The following PRKCE variants were observed in gnomAD, a reference collection of about 807,000 sequenced individuals.
PRKCE encodes protein kinase C epsilon type.
PRKCE carries 16 observed loss-of-function variants against 85.4 expected under a neutral mutation model. The observed-to-expected ratio is 0.19, with a 90% CI of 0.13 to 0.28. The LOEUF is 0.28. PRKCE is among the 10% of genes least tolerant of loss of function. PRKCE has a pLI of 1.00. For synonymous variants in PRKCE, 388 were observed against 371.5 expected (o/e 1.04, Z -0.51); for missense variants, 573 against 975.2 (o/e 0.59, Z 5.49).
chr2:45,905,569 G>C lies in PRKCE; in HGVS notation c.412+62506G>C, dbSNP rs1696907887. ...AGCCCTGTGAGCTTTCCTAAAAGCT[G>C]GGCAAAGCAGGGCTTTCACCGGGCT... On this transcript the variant is annotated intron_variant, in intron 2 of 14. Coordinates refer to ENST00000306156, the MANE Select transcript of PRKCE (RefSeq NM_005400.3). The surrounding 1 kb of genome is among the most constrained non-coding windows in gnomAD (Gnocchi z 4.4). Among the ~76,000 whole-genome samples, 1 of 152,178 alleles carries C rather than the reference G, an allele frequency of 6.6e-6. No homozygotes were observed. Among genetic ancestry groups the C allele is most frequent in the Admixed American group, 6.5e-5 (1 of 15,280 alleles).
At chr2:45,677,661 C>G (rs1676582775) in intron 1 of PRKCE, among the ~76,000 whole-genome samples, 1 of 152,196 alleles carries the variant, frequency 6.6e-6, no homozygotes, top group East Asian at 1.9e-4. Context: ...TGATCAGATT[C>G]AAATTGTATC....
intron 2 of PRKCE, among the ~76,000 whole-genome samples, chr2:45,910,141 G>A (rs1224784726): frequency 4.6e-5 from 7 of 152,004 alleles, no homozygotes; most frequent in South Asian, 2.1e-4. Context: ...TAACAATGAC[G>A]TGTAGTTCCA....
At chr2:45,996,744 T>G (rs1464313556) in intron 6 of PRKCE, among the ~76,000 whole-genome samples, 3 of 152,148 alleles carry the variant, frequency 2.0e-5, no homozygotes, top group African/African-American at 7.2e-5. Context: ...ATTTGCTGAT[T>G]GTTGTTGAAG....
intron 1 of PRKCE, among the ~76,000 whole-genome samples, chr2:45,743,451 C>T (rs1682751473): frequency 6.6e-6 from 1 of 152,010 alleles, no homozygotes. Flanking sequence ...GTCTTTCTCT[C>T]CAGCTATTTC....
chr2:45,745,661 C>T (rs1002632050), intron 1 of PRKCE, among the ~76,000 whole-genome samples: 12 of 152,104 alleles, frequency 7.9e-5, no homozygotes, highest in South Asian at 4.2e-4. Context: ...TGGCATCTGG[C>T]GGCTAATGAG....
intron 13 of PRKCE, among the ~76,000 whole-genome samples, chr2:46,151,761 G>A (rs952875878): frequency 6.6e-6 from 1 of 152,244 alleles, no homozygotes; most frequent in Non-Finnish European, 1.5e-5. Flanking sequence ...ATGCAGTCCT[G>A]CTGGATTTAG....
At chr2:45,881,971 T>C (rs768945552) in intron 2 of PRKCE, among the ~76,000 whole-genome samples, 2 of 152,214 alleles carry the variant, frequency 1.3e-5, no homozygotes, top group Non-Finnish European at 2.9e-5. Context: ...TTGCCTTCCA[T>C]TGGGTTTATG....
At chr2:45,858,887 A>G (rs71422180) in intron 2 of PRKCE, among the ~76,000 whole-genome samples, 11,679 of 151,846 alleles carry the variant, frequency 0.077, 584 homozygotes, top group East Asian at 0.27. Context: ...CTAAAAATAC[A>G]AAAATTAGCC....
At chr2:46,161,182 C>A (rs1273235059) in intron 14 of PRKCE, among the ~76,000 whole-genome samples, 1 of 152,252 alleles carries the variant, frequency 6.6e-6, no homozygotes, top group African/African-American at 2.4e-5. Context: ...CCTGCACATG[C>A]CAGCCTGCCC....
At chr2:46,083,961 G>T (rs1479390253) in intron 10 of PRKCE, among the ~76,000 whole-genome samples, 1 of 152,202 alleles carries the variant, frequency 6.6e-6, no homozygotes, top group Non-Finnish European at 1.5e-5. Context: ...AATCACCTGA[G>T]GAGCTTTCAC....
At chr2:45,679,508 A>G (rs1429554754) in intron 1 of PRKCE, among the ~76,000 whole-genome samples, 2 of 152,210 alleles carry the variant, frequency 1.3e-5, no homozygotes, top group Non-Finnish European at 2.9e-5. Flanking sequence ...AAGTCTGTTT[A>G]TAATAAGTGC....
chr2:45,872,196 C>G (rs1479578468), intron 2 of PRKCE, among the ~76,000 whole-genome samples: 1 of 152,028 alleles, frequency 6.6e-6, no homozygotes, highest in Non-Finnish European at 1.5e-5. Context: ...GTTAGGGGAA[C>G]AGGGAGCCCT....
At chr2:45,666,102 G>A (rs1675898464) in intron 1 of PRKCE, among the ~76,000 whole-genome samples, 1 of 152,096 alleles carries the variant, frequency 6.6e-6, no homozygotes, top group Non-Finnish European at 1.5e-5. Flanking sequence ...GAATATCAGG[G>A]CTCTGTTCAT....
intron 1 of PRKCE, among the ~76,000 whole-genome samples, chr2:45,733,030 G>A (rs1245355285): frequency 6.6e-6 from 1 of 152,242 alleles, no homozygotes; most frequent in African/African-American, 2.4e-5. Context: ...TAGTGCAAAA[G>A]CAGCCATAGA....
intron 2 of PRKCE, among the ~76,000 whole-genome samples, chr2:45,867,582 G>T (rs1395417967): frequency 6.6e-6 from 1 of 152,174 alleles, no homozygotes; most frequent in Admixed American, 6.5e-5. Flanking sequence ...ATCACGATGA[G>T]AGATTCAGAT....
chr2:46,016,457 A>T (rs190339710), intron 10 of PRKCE, among the ~76,000 whole-genome samples: 14 of 152,304 alleles, frequency 9.2e-5, no homozygotes, highest in African/African-American at 3.4e-4. Flanking sequence ...AACAGGATTC[A>T]TTCTGTGTGA....
intron 2 of PRKCE, among the ~76,000 whole-genome samples, chr2:45,938,654 T>C (rs112631503): frequency 3.9e-5 from 6 of 152,220 alleles, no homozygotes; most frequent in African/African-American, 1.2e-4. Flanking sequence ...TTTGCCTAGA[T>C]GCTGCCTTTC....
At chr2:45,752,994 G>A (rs1357435) in intron 1 of PRKCE, among the ~76,000 whole-genome samples, 6,858 of 152,188 alleles carry the variant, frequency 0.045, 170 homozygotes, top group Middle Eastern at 0.068. Context: ...GCTTTCCTGC[G>A]GCACACACAT....
intron 10 of PRKCE, among the ~76,000 whole-genome samples, chr2:46,033,244 T>G (rs910914862): frequency 3.9e-5 from 6 of 152,180 alleles, no homozygotes; most frequent in African/African-American, 1.4e-4. Context: ...CACATCATCA[T>G]TTGGTGAGAG....
Sources: gnomAD v4.1 joint callset for allele counts (sites outside exome capture counted in the v4.1 genomes callset) on GRCh38, gnomAD v4.1.1 for gene constraint, Gnocchi (gnomAD v3.1) non-coding constraint, MANE v1.5 for transcripts, NCBI Gene and HGNC (gene_info 2026-07-23, HGNC 2026-07-21) for gene names.